The following XKR6 variants were observed in gnomAD, a reference collection of about 807,000 sequenced individuals.
XKR6 encodes XK-related protein 6.
A neutral mutation model predicts 56.7 loss-of-function variants in XKR6; 22 were observed. That is an observed-to-expected ratio of 0.39 (90% CI 0.28 to 0.55). The LOEUF is 0.55. Among genes scored for constraint, XKR6 ranks in the 20% least tolerant of loss-of-function variants. The pLI, the probability that XKR6 is intolerant of heterozygous loss-of-function variation, is 0.66. For missense variants in XKR6, 852 were observed against 889.0 expected, an observed-to-expected ratio of 0.96 and a Z score of 0.53; for synonymous variants, 524 against 387.8, an observed-to-expected ratio of 1.35 and a Z score of -4.13.
At chr8:11,164,976 A>T (rs532357067) in intron 1 of XKR6, among the ~76,000 whole-genome samples, 2 of 152,246 alleles carry the variant, frequency 1.3e-5, no homozygotes, top group South Asian at 4.1e-4. Context: ...TATGTGCTTA[A>T]GTACACCAAA....
intron 1 of XKR6, among the ~76,000 whole-genome samples, chr8:11,064,189 C>T (rs1799920199): frequency 6.6e-6 from 1 of 152,130 alleles, no homozygotes. Context: ...CATGCATTTC[C>T]TCCCTTCCCA....
At chr8:10,988,810 T>C (rs1415198485) in intron 1 of XKR6, among the ~76,000 whole-genome samples, 1 of 152,208 alleles carries the variant, frequency 6.6e-6, no homozygotes, top group East Asian at 1.9e-4. Context: ...ACCATGATTC[T>C]ACAAAGTCAA....
In XKR6 at chr8:11,110,868, G is replaced by C. The variant is rs1178538473; in HGVS notation, c.764+89708C>G. Among the ~76,000 whole-genome samples the C allele has an allele frequency of 8.6e-5, 13 of 151,174 alleles. No individual in the cohort carries two copies. The East Asian group carries it at 2.3e-3, about 27-fold the overall frequency. ...TTTTTTTTTTTTGAGGCGGAGTCTT[G>C]CTCTGTTGCCCAGGCTGGAGTGCAG... On this transcript the variant is annotated intron_variant, in intron 1 of 2. Transcript: ENST00000416569.
intron 1 of XKR6, among the ~76,000 whole-genome samples, chr8:11,152,611 G>A (rs561617401): frequency 1.3e-5 from 2 of 152,264 alleles, no homozygotes; most frequent in Admixed American, 1.3e-4. Flanking sequence ...TTTGAACAAA[G>A]ATTCTCATTC....
chr8:11,094,792 G>C (rs539010477), intron 1 of XKR6, among the ~76,000 whole-genome samples: 3 of 152,254 alleles, frequency 2.0e-5, no homozygotes, highest in African/African-American at 7.2e-5. Flanking sequence ...AGATTCCCAA[G>C]TTACTTACCC....
intron 1 of XKR6, among the ~76,000 whole-genome samples, chr8:11,059,339 C>T (rs1015630843): frequency 6.6e-6 from 1 of 152,236 alleles, no homozygotes; most frequent in African/African-American, 2.4e-5. Context: ...GGTATGAGCG[C>T]CCCGGAGACT....
At chr8:10,900,180 C>A (rs1021443462) in intron 2 of XKR6, among the ~76,000 whole-genome samples, 4 of 152,178 alleles carry the variant, frequency 2.6e-5, no homozygotes, top group Admixed American at 6.5e-5. Context: ...CAATTCCCCC[C>A]ACGACATTCT....
At chr8:11,179,248 C>T (rs1158515278) in intron 1 of XKR6, among the ~76,000 whole-genome samples, 3 of 152,058 alleles carry the variant, frequency 2.0e-5, no homozygotes, top group African/African-American at 4.8e-5. Context: ...GCTAGAAGAC[C>T]CACTGCAAGG....
chr8:10,904,942 A>G (rs1486482486), intron 2 of XKR6, among the ~76,000 whole-genome samples: 3 of 152,152 alleles, frequency 2.0e-5, no homozygotes, highest in Admixed American at 6.5e-5. Flanking sequence ...CCGCTAAGTC[A>G]TGTGTCGGAA....
At chr8:11,173,134 G>C (rs1802462141) in intron 1 of XKR6, among the ~76,000 whole-genome samples, 1 of 150,536 alleles carries the variant, frequency 6.6e-6, no homozygotes, top group South Asian at 2.1e-4. Context: ...AGGAGATCGA[G>C]ACCATCCTGG....
chr8:11,194,020 T>C (rs1803729227), intron 1 of XKR6, among the ~76,000 whole-genome samples: 2 of 152,148 alleles, frequency 1.3e-5, no homozygotes, highest in Admixed American at 6.5e-5. Context: ...TCCCTATACA[T>C]AGGTGACACA....
At chr8:10,965,830 A>G (rs988358267) in intron 1 of XKR6, among the ~76,000 whole-genome samples, 13 of 152,252 alleles carry the variant, frequency 8.5e-5, no homozygotes, top group African/African-American at 2.9e-4. Flanking sequence ...AGAGGAGCTC[A>G]TGATTCATCT....
rs1403905025 is a variant in XKR6 at position 11,126,040 on chromosome 8, G to GT, written c.764+74535dup. 5.9e-3 allele frequency: 891 copies of GT among 150,242 alleles called. 7 individuals are homozygous for GT. Among genetic ancestry groups the GT allele is most frequent in the African/African-American group, 0.02 (804 of 41,128 alleles). The allele number at this position is 150,242 out of a possible 1,614,324, so 9.3% of individuals were successfully genotyped here. ...CTCTTCTATAACCTATACTTTGGCA[G>GT]TTTTTTTTTGGTGGTTTTTGTTTTT... is the stretch of plus-strand genomic sequence containing the variant. On this transcript the variant is annotated intron_variant, in intron 1 of 2. Coordinates refer to ENST00000416569, the MANE Select transcript of XKR6 (RefSeq NM_173683.4).
intron 1 of XKR6, among the ~76,000 whole-genome samples, chr8:11,028,334 C>G (rs931730305): frequency 6.6e-6 from 1 of 152,198 alleles, no homozygotes; most frequent in Middle Eastern, 3.2e-3. Flanking sequence ...GCATGGATCA[C>G]AGTTTACCCG....
intron 1 of XKR6, chr8:11,107,986 T>G (rs1021533155): frequency 3.1e-6 from 1 of 321,286 alleles, no homozygotes; most frequent in African/African-American, 2.2e-5. Context: ...GGTCCCAATA[T>G]TAGAGTTTCT....
At chr8:11,005,789 T>C (rs1798353715) in intron 1 of XKR6, among the ~76,000 whole-genome samples, 5 of 151,880 alleles carry the variant, frequency 3.3e-5, no homozygotes, top group Admixed American at 3.3e-4. Flanking sequence ...ATATCTACAG[T>C]TTTCAAGGTT....
chr8:10,915,855 G>C (rs1800549106), intron 2 of XKR6, among the ~76,000 whole-genome samples: 1 of 152,232 alleles, frequency 6.6e-6, no homozygotes, highest in South Asian at 2.1e-4. Context: ...AGGTAGGTCT[G>C]TGCTGCGTCT....
At chr8:11,193,935 T>TA (rs1803725480) in intron 1 of XKR6, among the ~76,000 whole-genome samples, 1 of 152,306 alleles carries the variant, frequency 6.6e-6, no homozygotes, top group Admixed American at 6.5e-5. Flanking sequence ...AATTAGCTGA[T>TA]AAAGTCAGCA....
rs35499478 is a variant in XKR6, at chr8:11,198,516, GAA to G, written c.764+2058_764+2059del. ...TCAATGCAGAGGAAAGTTAAGATCAGAAAAAAAAAAAATACTACCCTACATAC... is the reference window on the plus strand; with the variant it reads ...TCAATGCAGAGGAAAGTTAAGATCAGAAAAAAAAAATACTACCCTACATAC... On this transcript the variant is annotated intron_variant, in intron 1 of 2. Coordinates refer to ENST00000416569, the MANE Select transcript of XKR6 (RefSeq NM_173683.4). 2.4e-4 allele frequency among the ~76,000 whole-genome samples: 35 copies of G among 145,200 alleles called. No individual in the cohort carries two copies. In the South Asian group the frequency reaches 3.7e-3, roughly 15 times the overall value.
Sources: gnomAD v4.1 joint callset for allele counts (sites outside exome capture counted in the v4.1 genomes callset) on GRCh38, gnomAD v4.1.1 for gene constraint, MANE v1.5 for transcripts, NCBI Gene and HGNC (gene_info 2026-07-23, HGNC 2026-07-21) for gene names.